The following MACROD2 variants were observed in gnomAD, a reference collection of about 807,000 sequenced individuals.
MACROD2 encodes the protein mono-ADP ribosylhydrolase 2.
A neutral mutation model predicts 70.4 loss-of-function variants in MACROD2; 36 were observed. That is an observed-to-expected ratio of 0.51 (90% confidence interval 0.39 to 0.68). The LOEUF is 0.68. Ranked by LOEUF, MACROD2 falls within the 30% of genes least tolerant of loss-of-function variation. The pLI is 0.00. For synonymous variants in MACROD2, 172 were observed against 178.8 expected (o/e 0.96, Z 0.30); for missense variants, 496 against 538.4 (o/e 0.92, Z 0.78).
chr20:15,233,979 TTATTTATA>T (rs1258422089), intron 6 of MACROD2, among the ~76,000 whole-genome samples: 1 of 49,012 alleles, frequency 2.0e-5, no homozygotes, highest in African/African-American at 9.0e-5. Context: ...TTATATATAT[TTATTTATA>T]TATATATATA....
intron 4 of MACROD2, among the ~76,000 whole-genome samples, chr20:14,538,623 T>G (rs149891326): frequency 4.0e-4 from 61 of 152,214 alleles, no homozygotes; most frequent in Middle Eastern, 3.4e-3. Flanking sequence ...CACACCGGCC[T>G]TCTTTCTATT....
At chr20:14,965,291 A>G (rs935895013) in intron 5 of MACROD2, among the ~76,000 whole-genome samples, 11 of 152,098 alleles carry the variant, frequency 7.2e-5, no homozygotes, top group Admixed American at 7.2e-4. Context: ...ATTCATTACA[A>G]TATTCTGAAA....
At chr20:15,405,697 C>T (rs1461569722) in intron 6 of MACROD2, among the ~76,000 whole-genome samples, 1 of 152,186 alleles carries the variant, frequency 6.6e-6, no homozygotes, top group Non-Finnish European at 1.5e-5. Context: ...GATTTTAGCT[C>T]ACGTGCCATT....
At chr20:15,620,161 A>G (rs2049104818) in intron 8 of MACROD2, among the ~76,000 whole-genome samples, 1 of 152,202 alleles carries the variant, frequency 6.6e-6, no homozygotes, top group African/African-American at 2.4e-5. Flanking sequence ...AAGGCAGGGC[A>G]GTGCTTTGGA....
At chr20:15,442,744 G>A (rs543005241) in intron 7 of MACROD2, among the ~76,000 whole-genome samples, 1 of 152,020 alleles carries the variant, frequency 6.6e-6, no homozygotes, top group Admixed American at 6.6e-5. Context: ...CACCCAAAGA[G>A]AAAAGAAAAA....
chr20:14,653,697 T>C (rs1985812841), intron 4 of MACROD2, among the ~76,000 whole-genome samples: 1 of 152,148 alleles, frequency 6.6e-6, no homozygotes, highest in African/African-American at 2.4e-5. Context: ...CAGCAGACTG[T>C]GTTAAGAGAC....
At chr20:15,226,091 C>T (rs559220091) in intron 5 of MACROD2, among the ~76,000 whole-genome samples, 11 of 152,120 alleles carry the variant, frequency 7.2e-5, no homozygotes, top group African/African-American at 9.6e-5. Flanking sequence ...TCCTGATAGA[C>T]GTGTACAGAA....
At chr20:14,469,710 GA>G (rs1448780881) in intron 3 of MACROD2, among the ~76,000 whole-genome samples, 1 of 151,480 alleles carries the variant, frequency 6.6e-6, no homozygotes, top group Non-Finnish European at 1.5e-5. Flanking sequence ...TCTTCTGCTT[GA>G]TCAATTCACC....
intron 8 of MACROD2, among the ~76,000 whole-genome samples, chr20:15,675,714 G>A (rs1443939766): frequency 2.0e-5 from 3 of 152,100 alleles, no homozygotes; most frequent in Non-Finnish European, 4.4e-5. Context: ...TTTGCTAAAG[G>A]TTTGAAAATT....
intron 3 of MACROD2, among the ~76,000 whole-genome samples, chr20:14,218,671 T>C (rs1043577506): frequency 1.3e-5 from 2 of 152,248 alleles, no homozygotes; most frequent in Admixed American, 1.3e-4. Context: ...TTCACATGTT[T>C]CCAGGATTTG....
intron 8 of MACROD2, among the ~76,000 whole-genome samples, chr20:15,685,291 G>A (rs2050211708): frequency 6.6e-6 from 1 of 152,144 alleles, no homozygotes; most frequent in South Asian, 2.1e-4. Context: ...GGGAAGGAAG[G>A]TATCGTGATG....
intron 3 of MACROD2, among the ~76,000 whole-genome samples, chr20:14,265,559 G>A (rs917871817): frequency 1.3e-5 from 2 of 151,696 alleles, no homozygotes; most frequent in African/African-American, 4.8e-5. Flanking sequence ...TAATATTTGT[G>A]AAATGTTAAT....
chr20:14,904,590 T>G (rs922518537), intron 5 of MACROD2, among the ~76,000 whole-genome samples: 2 of 152,174 alleles, frequency 1.3e-5, no homozygotes, highest in African/African-American at 4.8e-5. Context: ...AAACTCATAA[T>G]TTGTTTGCTA....
intron 8 of MACROD2, among the ~76,000 whole-genome samples, chr20:15,744,159 A>G (rs1464654621): frequency 6.6e-6 from 1 of 152,224 alleles, no homozygotes; most frequent in Non-Finnish European, 1.5e-5. Context: ...GCTAGATGAA[A>G]TTAAATCAGG....
intron 11 of MACROD2, among the ~76,000 whole-genome samples, chr20:15,934,093 C>G (rs938922077): frequency 6.6e-6 from 1 of 152,096 alleles, no homozygotes; most frequent in African/African-American, 2.4e-5. Context: ...ACCAACATAA[C>G]CAGCAAAAAA....
In MACROD2 at chr20:14,014,993, G is replaced by A. The variant is rs556076055; in HGVS notation, c.163+12589G>A. ...TTTTTTTTTTTTTTTTTTTGTAGAG[G>A]TGGGGTTTTACCATGTTGCACAGGC... On this transcript the variant is annotated intron_variant, in intron 2 of 17. Transcript: ENST00000684519. Among the ~76,000 whole-genome samples the A allele has an allele frequency of 2.4e-4, 35 of 145,116 alleles. 1 individual carries two copies. In the East Asian group the frequency reaches 6.9e-3, roughly 28 times the overall value.
At chr20:14,032,396 C>T (rs544721503) in intron 2 of MACROD2, among the ~76,000 whole-genome samples, 62 of 152,056 alleles carry the variant, frequency 4.1e-4, no homozygotes, top group Middle Eastern at 3.4e-3. Flanking sequence ...TCAAAATGGC[C>T]GAAAAGGTTT....
chr20:14,647,057 CT>C (rs1985433831), intron 4 of MACROD2, among the ~76,000 whole-genome samples: 1 of 152,088 alleles, frequency 6.6e-6, no homozygotes, highest in South Asian at 2.1e-4. Context: ...CATGTGGGAT[CT>C]TAATAAAGTA....
At chr20:14,965,453 C>CTTTTTTTTTTT (rs532870999) in intron 5 of MACROD2, among the ~76,000 whole-genome samples, 24 of 68,056 alleles carry the variant, frequency 3.5e-4, no homozygotes, top group Admixed American at 9.5e-4. Flanking sequence ...ATTTTTTTTT[C>CTTTTTTTTTTT]TTTTTTTTTT....
Sources: allele counts gnomAD v4.1 joint callset (sites outside exome capture counted in the v4.1 genomes callset), GRCh38; gene constraint gnomAD v4.1.1; transcripts MANE v1.5; gene names NCBI Gene and HGNC (gene_info 2026-07-23, HGNC 2026-07-21).